The following UTP25 variants were observed in gnomAD, a reference collection of about 807,000 sequenced individuals.
The protein encoded by UTP25 is UTP25 small subunit processome component, also known as U3 small nucleolar RNA-associated protein 25 homolog.
Under a neutral mutation model 78.9 loss-of-function variants are expected in UTP25, and 50 were observed. The ratio of observed to expected loss-of-function variants is 0.63; its 90% CI spans 0.50 to 0.80. UTP25 has a LOEUF of 0.80. Ranked by LOEUF, UTP25 falls within the 30% of genes least tolerant of loss-of-function variation. The pLI is 0.00. For synonymous variants in UTP25, 329 were observed against 336.5 expected, an observed-to-expected ratio of 0.98 and a Z score of 0.24; for missense variants, 846 against 911.3, an observed-to-expected ratio of 0.93 and a Z score of 0.92.
At chr1:209,837,353 G>A in intron 6 of UTP25, 142 bp downstream of exon 6, 1 of 989,992 alleles carries the variant, frequency 1.0e-6, no homozygotes, top group Non-Finnish European at 1.4e-6. Flanking sequence ...ATATTAAGTA[G>A]GCCAGGTAGT....
Position 209,837,087 on chromosome 1 carries a change from A to T in UTP25, c.938A>T (p.His313Leu), listed in dbSNP as rs1396644763. 1 of 1,614,158 alleles carries T rather than the reference A, an allele frequency of 6.2e-7. No homozygotes were observed. Among genetic ancestry groups the T allele is most frequent in the East Asian group, 2.2e-5 (1 of 44,886 alleles). The change falls in exon 6 of 12, where the codon CAT (histidine) becomes CTT (leucine). Residue 313 changes from histidine to leucine, a missense_variant. By Grantham distance (99) the His-to-Leu change is moderately conservative. Transcript: ENST00000491415. ...GAGATCCGCCATGTGTATTGCCTGC[A>T]TGTGATAAATCACATCCTCAAAGCC... is the stretch of plus-strand genomic sequence containing the variant. ...GEEIRHVYCL[H>L]VINHILKANA...
rs1234899569 is a variant in UTP25 at position 209,836,944 on chromosome 1, A to G, written c.795A>G (p.Leu265=). 1 of 1,614,082 alleles carries G rather than the reference A, an allele frequency of 6.2e-7. No homozygotes were observed. The highest frequency in any genetic ancestry group is 8.5e-7 in the Non-Finnish European group (1 of 1,180,016). ...STWTKTNSQF[L]SGPQKSSSPF... ...GGACTAAGACCAACAGCCAGTTCCT[A>G]TCTGGTCCCCAAAAATCAAGCAGCC... Residue 265 remains leucine, a synonymous_variant, in exon 6 of 12, where the codon CTA becomes CTG. Transcript: ENST00000491415.
chr1:209,829,617 G>A lies in UTP25; in HGVS notation c.108-491G>A, dbSNP rs146480636. ...TCCTGCCTCAGCCTTCCCAGTAGCC[G>A]AGACTACAGGTGCACAACACAACTC... On this transcript the variant is annotated intron_variant, in intron 1 of 11. Transcript: ENST00000491415. Among the ~76,000 whole-genome samples the A allele has an allele frequency of 1.0e-3, 155 of 151,540 alleles. 1 individual carries two copies. The highest frequency in any genetic ancestry group is 3.4e-3 in the African/African-American group (141 of 41,192).
chr1:209,835,034 G>A, intron 4 of UTP25, 41 bp from the exon 5 acceptor site: 1 of 1,523,304 alleles, frequency 6.6e-7, no homozygotes. Context: ...AAACCCCTCT[G>A]TAGTTGCATA....
intron 2 of UTP25, 136 bp from the exon 3 acceptor site, chr1:209,830,667 G>A: frequency 7.2e-7 from 1 of 1,390,878 alleles, no homozygotes; most frequent in Non-Finnish European, 9.5e-7. Context: ...AGAGCTTCTA[G>A]AATCATAGCT....
In UTP25 at chr1:209,836,949, G is replaced by A. The variant is rs2078136374; in HGVS notation, c.800G>A (p.Gly267Asp). 6 of 1,613,982 alleles carry A rather than the reference G, an allele frequency of 3.7e-6. No individual in the cohort carries two copies. The East Asian group carries it at 8.9e-5, about 24-fold the overall frequency. Residue 267 changes from glycine (G) to aspartate (D), a missense_variant, in exon 6 of 12, where the codon GGT (glycine) becomes GAT (aspartate). Gly to Asp is a moderately conservative substitution (Grantham distance 94). Coordinates refer to ENST00000491415, the MANE Select transcript of UTP25 (RefSeq NM_014388.7). ...WTKTNSQFLS[G>D]PQKSSSPFTP... Reference sequence around the variant, plus strand: ...AAGACCAACAGCCAGTTCCTATCTGGTCCCCAAAAATCAAGCAGCCCATTC... The same window carrying A: ...AAGACCAACAGCCAGTTCCTATCTGATCCCCAAAAATCAAGCAGCCCATTC...
At chr1:209,835,313 C>A in intron 5 of UTP25, 150 bp downstream of exon 5, 2 of 621,142 alleles carry the variant, frequency 3.2e-6, no homozygotes, top group East Asian at 2.9e-5. Flanking sequence ...GCTAGAAGAG[C>A]CTAGTGGGGC....
intron 7 of UTP25, among the ~76,000 whole-genome samples, chr1:209,839,946 T>C (rs1182441186): frequency 6.6e-6 from 1 of 152,138 alleles, no homozygotes; most frequent in Non-Finnish European, 1.5e-5. Flanking sequence ...TCATCTGTAC[T>C]AGGTGGAAAC....
chr1:209,833,114 G>A, intron 3 of UTP25, 71 bp from the exon 4 acceptor site: 1 of 1,427,384 alleles, frequency 7.0e-7, no homozygotes, highest in Non-Finnish European at 9.5e-7. Context: ...ATAGCCTAAG[G>A]AAATAAATTT....
At position 209,838,929 on chromosome 1, in the gene UTP25, C is replaced by G. The variant is rs544642129; in HGVS notation, c.1083C>G (p.Phe361Leu). 2 of 1,614,076 alleles carry G rather than the reference C, an allele frequency of 1.2e-6. No individual in the cohort carries two copies. The highest frequency in any genetic ancestry group is 1.7e-5 in the Admixed American group (1 of 60,020). The change falls in exon 7 of 12, where the codon TTC (phenylalanine) becomes TTG (leucine). Residue 361 changes from phenylalanine (F) to leucine (L), a missense_variant. Transcript: ENST00000491415. ...TRPKVLIVVP[F>L]REAALRVVQL... ...CACAGGTACTGATAGTGGTGCCATT[C>G]CGGGAAGCTGCTTTGCGGGTGGTGC...
At position 209,852,398 on chromosome 1, in the gene UTP25, A is replaced by C. The variant is rs1289524057; in HGVS notation, c.*951A>C. 1 of 152,204 alleles carries C rather than the reference A, an allele frequency of 6.6e-6. No individual in the cohort carries two copies. The highest frequency in any genetic ancestry group is 1.5e-5 in the Non-Finnish European group (1 of 68,032). The allele number at this position is 152,204 out of a possible 1,614,324, so 9.4% of individuals were successfully genotyped here. ...TGCCCCACCAATAAGGATAATGTGA[A>C]TATTTCAGAATCCAAAAAAATTCGA... is the stretch of plus-strand genomic sequence containing the variant. On this transcript the variant is annotated 3_prime_UTR_variant, in exon 12 of 12. Coordinates refer to ENST00000491415, the MANE Select transcript of UTP25 (RefSeq NM_014388.7).
At chr1:209,833,450 A>G (rs2078114786) in intron 4 of UTP25, 92 bp downstream of exon 4, 4 of 1,168,312 alleles carry the variant, frequency 3.4e-6, no homozygotes, top group Non-Finnish European at 4.7e-6. Flanking sequence ...TGGAACAAAC[A>G]GCAATAAAAA....
intron 11 of UTP25, chr1:209,843,964 T>C: frequency 2.2e-6 from 1 of 452,780 alleles, no homozygotes; most frequent in South Asian, 2.7e-5. Flanking sequence ...GGTTATACAC[T>C]GCAAGAAGGA....
In UTP25 at chr1:209,857,008, G is replaced by A. The variant is rs1572013632; in HGVS notation, c.*5561G>A. On this transcript the variant is annotated 3_prime_UTR_variant, in exon 12 of 12. Transcript: ENST00000491415. ...GTCAAAGCTAAATTAGGTCAAATAG[G>A]AAATAAGTCAGAATCCCCAATTCGA... 1.3e-5 allele frequency: 2 copies of A among 152,264 alleles called. No homozygotes were observed. The highest frequency in any genetic ancestry group is 3.9e-4 in the East Asian group (2 of 5,188). 9.4% of individuals were successfully genotyped at this position (152,264 alleles called of 1,614,324 possible).
chr1:209,855,555 T>C lies in UTP25; in HGVS notation c.*4108T>C, dbSNP rs1455066020. The C allele has an allele frequency of 6.6e-6, 1 of 152,270 alleles. No homozygotes were observed. The highest frequency in any genetic ancestry group is 1.5e-5 in the Non-Finnish European group (1 of 68,078). The allele number at this position is 152,270 out of a possible 1,614,324, so 9.4% of individuals were successfully genotyped here. Reference sequence around the variant, plus strand: ...GAGCTGTTTGCTTTGCACAGAGAAATCTAATCTTTCTCCTGCTGGGCAGCT... The same window carrying C: ...GAGCTGTTTGCTTTGCACAGAGAAACCTAATCTTTCTCCTGCTGGGCAGCT... On this transcript the variant is annotated 3_prime_UTR_variant, in exon 12 of 12. Transcript: ENST00000491415.
At chr1:209,847,071 CTTTT>C (rs1425278231) in intron 11 of UTP25, among the ~76,000 whole-genome samples, 1 of 151,782 alleles carries the variant, frequency 6.6e-6, no homozygotes, top group East Asian at 1.9e-4. Context: ...AAATTAGGAT[CTTTT>C]TTTGTTTTAA....
chr1:209,837,098 C>G lies in UTP25; in HGVS notation c.949C>G (p.His317Asp). ...TGTGTATTGCCTGCATGTGATAAATCACATCCTCAAAGCCAATGCCCAGGT... is the reference window on the plus strand; with the variant it reads ...TGTGTATTGCCTGCATGTGATAAATGACATCCTCAAAGCCAATGCCCAGGT... ...RHVYCLHVINHILKANAQVLG... is the reference protein window; with the variant it reads ...RHVYCLHVINDILKANAQVLG... The change falls in exon 6 of 12, where the codon CAC becomes GAC. Residue 317 changes from histidine (H) to aspartate (D), a missense_variant. Transcript: ENST00000491415. 1 of 1,614,118 alleles carries G rather than the reference C, an allele frequency of 6.2e-7. No individual in the cohort carries two copies. The highest frequency in any genetic ancestry group is 1.7e-5 in the Admixed American group (1 of 60,002).
intron 1 of UTP25, among the ~76,000 whole-genome samples, chr1:209,828,756 C>CAT (rs1491267149): frequency 2.0e-5 from 2 of 97,808 alleles, no homozygotes; most frequent in Admixed American, 9.8e-5. Context: ...TGTAGACACA[C>CAT]ATATATATAT....
At chr1:209,834,839 G>A (rs1052011360) in intron 4 of UTP25, among the ~76,000 whole-genome samples, 2 of 152,152 alleles carry the variant, frequency 1.3e-5, no homozygotes, top group African/African-American at 4.8e-5. Context: ...CTGAATTCCA[G>A]GCTGAGAAGT....
Sources: gnomAD v4.1 joint callset for allele counts (sites outside exome capture counted in the v4.1 genomes callset) on GRCh38, gnomAD v4.1.1 for gene constraint, MANE v1.5 for transcripts, NCBI Gene and HGNC (gene_info 2026-07-23, HGNC 2026-07-21) for gene names.